THSD7B: variants seen among roughly 807,000 people sequenced by gnomAD.
THSD7B encodes the protein thrombospondin type-1 domain-containing protein 7B.
A neutral mutation model predicts 213.6 loss-of-function variants in THSD7B; 138 were observed. That is an observed-to-expected ratio of 0.65 (90% confidence interval 0.56 to 0.74). The LOEUF (loss-of-function observed/expected upper bound fraction) is 0.74, where lower values mean the gene tolerates loss of function less well. Ranked by LOEUF, THSD7B falls within the 30% of genes least tolerant of loss-of-function variation. The probability of loss-of-function intolerance (pLI) is 0.00; values close to 1 mark genes in which losing one functional copy is unlikely to be tolerated. For missense variants in THSD7B, 1,931 were observed against 1,991.5 expected (o/e 0.97, Z 0.58); for synonymous variants, 742 against 687.0 (o/e 1.08, Z -1.25).
At chr2:136,954,992 G>C (rs1414236313) in intron 2 of THSD7B, among the ~76,000 whole-genome samples, 1 of 151,944 alleles carries the variant, frequency 6.6e-6, no homozygotes, top group Non-Finnish European at 1.5e-5. Flanking sequence ...CTTTTTATCT[G>C]TAGACAGTAA....
chr2:136,926,239 CTG>C (rs759355899), intron 2 of THSD7B, among the ~76,000 whole-genome samples: 5 of 152,108 alleles, frequency 3.3e-5, no homozygotes, highest in Non-Finnish European at 7.4e-5. Context: ...ATTCTCCATC[CTG>C]TACTATCCCT....
chr2:137,524,022 C>G (rs185820263), intron 15 of THSD7B, among the ~76,000 whole-genome samples: 247 of 152,166 alleles, frequency 1.6e-3, no homozygotes, highest in African/African-American at 5.2e-3. Context: ...TTCTGGATTT[C>G]TACCAACTCT....
intron 15 of THSD7B, among the ~76,000 whole-genome samples, chr2:137,524,877 A>C (rs1680251452): frequency 2.0e-5 from 3 of 152,168 alleles, no homozygotes; most frequent in Non-Finnish European, 4.4e-5. Flanking sequence ...GAATGTCATC[A>C]CTGCTGTAGA....
chr2:137,430,507 G>A (rs2105039057), intron 14 of THSD7B, among the ~76,000 whole-genome samples: 1 of 152,270 alleles, frequency 6.6e-6, no homozygotes, highest in Middle Eastern at 3.4e-3. Context: ...ATACCCATCA[G>A]AAGAGGAATT....
chr2:137,157,459 G>C (rs1290751191), intron 5 of THSD7B, among the ~76,000 whole-genome samples: 1 of 152,168 alleles, frequency 6.6e-6, no homozygotes, highest in Non-Finnish European at 1.5e-5. Flanking sequence ...GTTTTGGCTG[G>C]CTTCCCCCTT....
At chr2:136,871,126 G>A (rs1683425047) in intron 1 of THSD7B, among the ~76,000 whole-genome samples, 1 of 152,312 alleles carries the variant, frequency 6.6e-6, no homozygotes, top group African/African-American at 2.4e-5. Context: ...TGACACTGTC[G>A]GGGAGATCCG....
At chr2:137,120,128 T>C (rs1275846281) in intron 5 of THSD7B, among the ~76,000 whole-genome samples, 1 of 152,136 alleles carries the variant, frequency 6.6e-6, no homozygotes, top group African/African-American at 2.4e-5. Context: ...GATAACGGGA[T>C]AAAATAACCT....
At chr2:137,660,713 A>G (rs970645734) in intron 25 of THSD7B, among the ~76,000 whole-genome samples, 3 of 152,244 alleles carry the variant, frequency 2.0e-5, no homozygotes, top group African/African-American at 7.2e-5. Flanking sequence ...TGCTAAAAAT[A>G]GAGATGCATC....
chr2:136,912,563 C>T (rs1684280769), intron 2 of THSD7B, among the ~76,000 whole-genome samples: 1 of 152,084 alleles, frequency 6.6e-6, no homozygotes, highest in African/African-American at 2.4e-5. Flanking sequence ...GCTGTGCCCC[C>T]AGCCAAATCT....
intron 12 of THSD7B, among the ~76,000 whole-genome samples, chr2:137,334,165 TC>T (rs1447127126): frequency 3.5e-5 from 2 of 57,318 alleles, no homozygotes; most frequent in Admixed American, 1.9e-4. Context: ...TCTTTCTTTC[TC>T]TCTTTCTCTC....
chr2:137,277,263 A>T (rs529812114), intron 12 of THSD7B, among the ~76,000 whole-genome samples: 1 of 152,082 alleles, frequency 6.6e-6, no homozygotes, highest in Admixed American at 6.6e-5. Context: ...ATCACATAAA[A>T]GCAAGATATT....
chr2:136,893,564 A>G lies in THSD7B; in HGVS notation c.139+11247A>G, dbSNP rs572013850. Among the ~76,000 whole-genome samples, 5 of 152,322 alleles carry G rather than the reference A, an allele frequency of 3.3e-5. No homozygotes were observed. The East Asian group carries it at 9.6e-4, about 29-fold the overall frequency. The stretch of plus-strand genomic sequence containing the variant: ...TGAATCATAAACTAAAGACTGAACA[A>G]CAGTACTTTGGAGTAACAAAGGAAC... On this transcript the variant is annotated intron_variant, in intron 2 of 27. Coordinates refer to ENST00000409968, the MANE Select transcript of THSD7B (RefSeq NM_001316349.2).
intron 12 of THSD7B, among the ~76,000 whole-genome samples, chr2:137,328,646 T>C (rs528721030): frequency 1.2e-4 from 18 of 152,324 alleles, no homozygotes; most frequent in African/African-American, 4.3e-4. Context: ...TTCTCTGATA[T>C]GGTTTGGCTG....
intron 15 of THSD7B, among the ~76,000 whole-genome samples, chr2:137,465,732 G>A (rs911897285): frequency 8.5e-5 from 13 of 152,062 alleles, no homozygotes; most frequent in African/African-American, 2.7e-4. Context: ...TGTTCTTAGA[G>A]GCAAACAAGC....
chr2:136,997,560 G>A (rs1685916876), intron 2 of THSD7B, among the ~76,000 whole-genome samples: 1 of 152,138 alleles, frequency 6.6e-6, no homozygotes, highest in Non-Finnish European at 1.5e-5. Flanking sequence ...GGAAAGCGGG[G>A]CATAAGTGCC....
chr2:137,350,519 G>A (rs1684989779), intron 12 of THSD7B, among the ~76,000 whole-genome samples: 1 of 151,798 alleles, frequency 6.6e-6, no homozygotes, highest in Admixed American at 6.6e-5. Flanking sequence ...GGATCATGGA[G>A]GAGTTTATAA....
chr2:137,533,514 A>T, intron 15 of THSD7B, among the ~76,000 whole-genome samples: 1 of 151,940 alleles, frequency 6.6e-6, no homozygotes, highest in Non-Finnish European at 1.5e-5. Flanking sequence ...TAGTTGGAGT[A>T]TTTGTTGTTA....
intron 14 of THSD7B, among the ~76,000 whole-genome samples, chr2:137,419,633 C>G (rs1310029014): frequency 6.6e-6 from 1 of 151,486 alleles, no homozygotes; most frequent in Non-Finnish European, 1.5e-5. Context: ...GTGGGCACAA[C>G]AGTGTAGAAA....
At chr2:137,181,422 T>C (rs1680453159) in intron 7 of THSD7B, among the ~76,000 whole-genome samples, 1 of 152,180 alleles carries the variant, frequency 6.6e-6, no homozygotes, top group Non-Finnish European at 1.5e-5. Flanking sequence ...CTAAGGATTC[T>C]TTGAGAAGGA....
Sources: allele counts gnomAD v4.1 joint callset (sites outside exome capture counted in the v4.1 genomes callset), GRCh38; gene constraint gnomAD v4.1.1; transcripts MANE v1.5; gene names NCBI Gene and HGNC (gene_info 2026-07-23, HGNC 2026-07-21).